Variants in TXLNB observed in about 807,000 individuals in gnomAD.
The protein encoded by TXLNB is beta-taxilin.
A neutral mutation model predicts 57.4 loss-of-function variants in TXLNB; 37 were observed. The observed-to-expected ratio is 0.64, with a 90% CI of 0.50 to 0.85. The LOEUF (loss-of-function observed/expected upper bound fraction) is 0.85, where lower values mean the gene tolerates loss of function less well. TXLNB is among the 40% of genes least tolerant of loss of function. The probability of loss-of-function intolerance (pLI) is 0.00; values close to 1 mark genes in which losing one functional copy is unlikely to be tolerated. For missense variants in TXLNB, 848 were observed against 825.6 expected, an observed-to-expected ratio of 1.03 and a Z score of -0.33; for synonymous variants, 302 against 309.6, an observed-to-expected ratio of 0.98 and a Z score of 0.26.
the TXLNB span, among the ~76,000 whole-genome samples, chr6:139,186,698 C>T: frequency 6.6e-6 from 1 of 152,082 alleles, no homozygotes; most frequent in Non-Finnish European, 1.5e-5. Flanking sequence ...TTTGTAATAG[C>T]CCCAAAAAGA....
the TXLNB span, among the ~76,000 whole-genome samples, chr6:139,229,720 T>G: frequency 2.7e-3 from 417 of 152,248 alleles, 2 homozygotes; most frequent in African/African-American, 9.5e-3. Flanking sequence ...GAAATGAGGG[T>G]GGGACACACA....
At chr6:139,160,168 T>G in the TXLNB span, among the ~76,000 whole-genome samples, 1 of 152,202 alleles carries the variant, frequency 6.6e-6, no homozygotes, top group African/African-American at 2.4e-5. Context: ...CTGTTTATTT[T>G]AACTTGAGCA....
At chr6:139,285,962 GC>G (rs750634349) in intron 2 of TXLNB, among the ~76,000 whole-genome samples, 5 of 145,866 alleles carry the variant, frequency 3.4e-5, no homozygotes, top group Non-Finnish European at 7.6e-5. Flanking sequence ...ATACCACCTA[GC>G]CTGTGTTTTC....
At chr6:139,270,098 T>G (rs907222439) in intron 4 of TXLNB, among the ~76,000 whole-genome samples, 1 of 152,162 alleles carries the variant, frequency 6.6e-6, no homozygotes, top group Non-Finnish European at 1.5e-5. Flanking sequence ...TGTATTTTTT[T>G]AAAAGAACTA....
chr6:139,280,050 C>T (rs575822119), intron 2 of TXLNB, among the ~76,000 whole-genome samples: 5 of 152,006 alleles, frequency 3.3e-5, no homozygotes, highest in African/African-American at 7.2e-5. Context: ...GTCAGGAGAT[C>T]GAGACCATCC....
intron 4 of TXLNB, among the ~76,000 whole-genome samples, chr6:139,264,352 T>G (rs982102403): frequency 4.6e-5 from 7 of 152,166 alleles, no homozygotes; most frequent in Non-Finnish European, 1.0e-4. Flanking sequence ...GAATACCGTT[T>G]GTATTTATAA....
At chr6:139,205,052 T>G in the TXLNB span, among the ~76,000 whole-genome samples, 2 of 152,152 alleles carry the variant, frequency 1.3e-5, no homozygotes, top group East Asian at 3.9e-4. Context: ...ACAAAGGACA[T>G]AAACTCTTGG....
the TXLNB span, among the ~76,000 whole-genome samples, chr6:139,198,597 A>T: frequency 6.6e-6 from 1 of 152,132 alleles, no homozygotes; most frequent in South Asian, 2.1e-4. Flanking sequence ...GTGCCCTAGG[A>T]AGGTCCATTG....
the TXLNB span, among the ~76,000 whole-genome samples, chr6:139,170,994 G>C: frequency 6.6e-6 from 1 of 152,154 alleles, no homozygotes; most frequent in Non-Finnish European, 1.5e-5. Context: ...TTCTAGACCA[G>C]ATAAATGGTG....
chr6:139,313,108 T>C, the TXLNB span, among the ~76,000 whole-genome samples: 1 of 151,998 alleles, frequency 6.6e-6, no homozygotes. Flanking sequence ...AGTCTCGCTC[T>C]GTTGCCCAGG....
intron 4 of TXLNB, among the ~76,000 whole-genome samples, chr6:139,264,816 G>A (rs908605084): frequency 2.0e-5 from 3 of 152,152 alleles, no homozygotes; most frequent in Admixed American, 1.3e-4. Flanking sequence ...CACCTTGGCC[G>A]CCCAAAGTGC....
At chr6:139,308,409 G>A in the TXLNB span, among the ~76,000 whole-genome samples, 1 of 152,238 alleles carries the variant, frequency 6.6e-6, no homozygotes, top group Non-Finnish European at 1.5e-5. Flanking sequence ...AAGGCAAGAT[G>A]CAGTAGGTAG....
the TXLNB span, among the ~76,000 whole-genome samples, chr6:139,209,513 T>C: frequency 6.6e-6 from 1 of 151,362 alleles, no homozygotes; most frequent in African/African-American, 2.4e-5. Flanking sequence ...AAAGAACAAA[T>C]CATGTATGTA....
rs1240846082 is a variant in TXLNB, at chr6:139,241,590, G to A, written c.*936C>T. On this transcript the variant is annotated 3_prime_UTR_variant, in exon 10 of 10. Transcript: ENST00000358430. ...CAGGAAGCCTGGAATGGGATGCCCT[G>A]GCACATGAGGGGGTGGCAAAGCAAT... 1 of 152,224 alleles carries A rather than the reference G, an allele frequency of 6.6e-6. No individual in the cohort carries two copies. The highest frequency in any genetic ancestry group is 1.9e-4 in the East Asian group (1 of 5,200). 9.4% of individuals were successfully genotyped at this position (152,224 alleles called of 1,614,324 possible).
chr6:139,288,774 G>C lies in TXLNB; in HGVS notation c.126C>G (p.Val42=). The C allele has an allele frequency of 1.2e-6, 2 of 1,614,168 alleles. No individual in the cohort carries two copies. Among genetic ancestry groups the C allele is most frequent in the Non-Finnish European group, 1.7e-6 (2 of 1,180,024 alleles). Reference sequence around the variant, plus strand: ...CACTTGCCTCTTTCTCTGGTGGTTGGACTGGGGTTGGAGAATCCTGGCCAT... The same window carrying C: ...CACTTGCCTCTTTCTCTGGTGGTTGCACTGGGGTTGGAGAATCCTGGCCAT... ...KEDGQDSPTP[V]QPPEKEASVH... Residue 42 remains valine (V), a synonymous_variant, in exon 2 of 10, where the codon GTC becomes GTG. Transcript: ENST00000358430.
At chr6:139,162,138 C>T in the TXLNB span, among the ~76,000 whole-genome samples, 1 of 152,142 alleles carries the variant, frequency 6.6e-6, no homozygotes, top group Non-Finnish European at 1.5e-5. Context: ...GCTTCCTCTC[C>T]TGAGTCGTCA....
chr6:139,301,979 G>A, the TXLNB span, among the ~76,000 whole-genome samples: 1 of 152,038 alleles, frequency 6.6e-6, no homozygotes, highest in Non-Finnish European at 1.5e-5. Flanking sequence ...GAGATCTTAG[G>A]ATCTAAAGAA....
intron 7 of TXLNB, chr6:139,251,720 C>G (rs548864095): frequency 2.6e-5 from 4 of 152,332 alleles, no homozygotes; most frequent in African/African-American, 9.6e-5. Context: ...GTGACAAACA[C>G]AGTCTTTTCA....
At chr6:139,290,366 C>A (rs139265805) in intron 1 of TXLNB, among the ~76,000 whole-genome samples, 1 of 152,116 alleles carries the variant, frequency 6.6e-6, no homozygotes, top group East Asian at 1.9e-4. Context: ...GGTGACAGAG[C>A]AAGACTTCGT....
Sources: allele counts gnomAD v4.1 joint callset (sites outside exome capture counted in the v4.1 genomes callset), GRCh38; gene constraint gnomAD v4.1.1; transcripts MANE v1.5; gene names NCBI Gene and HGNC (gene_info 2026-07-23, HGNC 2026-07-21).